ROCK1: variants seen among roughly 807,000 people sequenced by gnomAD.
ROCK1 encodes the protein Rho associated coiled-coil containing protein kinase 1.
In ROCK1, 36 loss-of-function variants were observed where a neutral mutation model predicts 196.8. The ratio of observed to expected loss-of-function variants is 0.18; its 90% CI spans 0.14 to 0.24. ROCK1 has a LOEUF of 0.24. Ranked by LOEUF, ROCK1 falls within the 10% of genes least tolerant of loss-of-function variation. The pLI, the probability that ROCK1 is intolerant of heterozygous loss-of-function variation, is 1.00. For synonymous variants in ROCK1, 443 were observed against 515.9 expected, an observed-to-expected ratio of 0.86 and a Z score of 1.91; for missense variants, 920 against 1,562.0, an observed-to-expected ratio of 0.59 and a Z score of 6.93.
chr18:20,970,094 C>T (rs953388061), intron 23 of ROCK1: 3 of 302,836 alleles, frequency 9.9e-6, no homozygotes, highest in African/African-American at 4.3e-5. Flanking sequence ...ATAAGATCTA[C>T]AGCCAGAAAA....
intron 1 of ROCK1, among the ~76,000 whole-genome samples, chr18:21,087,575 C>T (rs550230835): frequency 8.5e-5 from 13 of 152,060 alleles, no homozygotes; most frequent in African/African-American, 3.1e-4. Context: ...TGGCCAGGCA[C>T]AGAATGGAAA....
At chr18:21,026,431 C>CA (rs1316895366) in intron 10 of ROCK1, among the ~76,000 whole-genome samples, 1 of 78,460 alleles carries the variant, frequency 1.3e-5, no homozygotes, top group African/African-American at 5.2e-5. Flanking sequence ...GCAACAAGAG[C>CA]AAAACTCTGT....
At position 21,069,305 on chromosome 18, in the gene ROCK1, T is replaced by G. The variant is rs578118590; in HGVS notation, c.175+1227A>C. Among the ~76,000 whole-genome samples, 3 of 152,250 alleles carry G rather than the reference T, an allele frequency of 2.0e-5. No individual in the cohort carries two copies. The South Asian group carries it at 6.2e-4, about 32-fold the overall frequency. On this transcript the variant is annotated intron_variant, in intron 2 of 32. Coordinates refer to ENST00000399799, the MANE Select transcript of ROCK1 (RefSeq NM_005406.3). ...TAGTAATCCTGGCATAAACTATCCTTGGTCATGATTTTTACCTACTGCTAC... is the reference window on the plus strand; with the variant it reads ...TAGTAATCCTGGCATAAACTATCCTGGGTCATGATTTTTACCTACTGCTAC...
intron 12 of ROCK1, among the ~76,000 whole-genome samples, chr18:21,017,341 G>A (rs1346417599): frequency 1.1e-4 from 16 of 151,628 alleles, no homozygotes; most frequent in South Asian, 2.1e-4. Flanking sequence ...ACAGGCGCCC[G>A]CCACCGCGCC....
At chr18:21,013,756 T>C (rs1161066659) in intron 13 of ROCK1, among the ~76,000 whole-genome samples, 6 of 152,048 alleles carry the variant, frequency 3.9e-5, no homozygotes, top group Admixed American at 1.3e-4. Flanking sequence ...CACTCAGCCT[T>C]TGCTGTTAAG....
At chr18:20,988,603 G>A (rs1484418476) in intron 18 of ROCK1, among the ~76,000 whole-genome samples, 3 of 152,064 alleles carry the variant, frequency 2.0e-5, no homozygotes, top group African/African-American at 7.2e-5. Flanking sequence ...TAAGAATACT[G>A]AACTTACTAT....
intron 2 of ROCK1, among the ~76,000 whole-genome samples, chr18:21,067,380 ACT>A (rs2036344274): frequency 7.9e-6 from 1 of 126,682 alleles, no homozygotes; most frequent in African/African-American, 3.0e-5. Flanking sequence ...TTGTCTTTTC[ACT>A]CTTTTTTTTT....
intron 16 of ROCK1, among the ~76,000 whole-genome samples, chr18:21,000,266 C>CTT (rs112094549): frequency 6.9e-6 from 1 of 145,230 alleles, no homozygotes; most frequent in African/African-American, 2.5e-5. Context: ...AATTGATTTT[C>CTT]TTTTTTTTTT....
intron 1 of ROCK1, among the ~76,000 whole-genome samples, chr18:21,080,288 T>A (rs2036472258): frequency 6.6e-6 from 1 of 152,032 alleles, no homozygotes; most frequent in African/African-American, 2.4e-5. Flanking sequence ...ATGAAATAAA[T>A]GAACAGAAAC....
intron 1 of ROCK1, among the ~76,000 whole-genome samples, chr18:21,102,462 G>A (rs2036667238): frequency 6.6e-6 from 1 of 152,060 alleles, no homozygotes; most frequent in Admixed American, 6.6e-5. Flanking sequence ...TACTCACCAT[G>A]GTGTTCCATT....
intron 16 of ROCK1, among the ~76,000 whole-genome samples, chr18:20,998,145 G>T (rs1418894170): frequency 2.6e-5 from 4 of 152,050 alleles, no homozygotes; most frequent in South Asian, 4.2e-4. Flanking sequence ...CCAAAAAGCG[G>T]AATTTTTGAA....
intron 1 of ROCK1, among the ~76,000 whole-genome samples, chr18:21,085,169 C>A (rs2036515770): frequency 6.6e-6 from 1 of 151,818 alleles, no homozygotes; most frequent in African/African-American, 2.4e-5. Context: ...CAAACAGATA[C>A]TGGTGAAAAC....
At chr18:20,964,640 C>A (rs1247879248) in intron 27 of ROCK1, among the ~76,000 whole-genome samples, 1 of 152,124 alleles carries the variant, frequency 6.6e-6, no homozygotes, top group Non-Finnish European at 1.5e-5. Flanking sequence ...GAATGGCTAC[C>A]AGTACTCCCC....
chr18:20,978,043 T>C (rs140564185), intron 22 of ROCK1, among the ~76,000 whole-genome samples: 244 of 152,330 alleles, frequency 1.6e-3, no homozygotes, highest in African/African-American at 5.5e-3. Flanking sequence ...ATTGTCAATT[T>C]TGGACCTTAA....
chr18:20,958,430 G>A (rs1314127356), intron 29 of ROCK1, among the ~76,000 whole-genome samples: 4 of 151,772 alleles, frequency 2.6e-5, no homozygotes, highest in Non-Finnish European at 5.9e-5. Flanking sequence ...TAGTCGGTAA[G>A]GTCCTTAATG....
intron 2 of ROCK1, among the ~76,000 whole-genome samples, chr18:21,060,048 G>A (rs1455624523): frequency 6.6e-6 from 1 of 152,162 alleles, no homozygotes; most frequent in Non-Finnish European, 1.5e-5. Context: ...GAGAAATGGA[G>A]ACTGACTGTT....
intron 18 of ROCK1, among the ~76,000 whole-genome samples, chr18:20,987,345 C>T (rs2035586697): frequency 1.3e-5 from 2 of 152,134 alleles, no homozygotes; most frequent in South Asian, 4.1e-4. Flanking sequence ...AAACCCAGCT[C>T]TTGCCCAGTG....
chr18:21,079,332 G>A lies in ROCK1; in HGVS notation c.94-8719C>T, dbSNP rs138139843. Reference sequence around the variant, plus strand: ...ACCTCCATATTTTTCTGCTGCCTGCGGAACTGTCTGCTTTTCAGCTGTAGT... The same window carrying A: ...ACCTCCATATTTTTCTGCTGCCTGCAGAACTGTCTGCTTTTCAGCTGTAGT... On this transcript the variant is annotated intron_variant, in intron 1 of 32. Transcript: ENST00000399799. Among the ~76,000 whole-genome samples, 117 of 152,156 alleles carry A rather than the reference G, an allele frequency of 7.7e-4. No individual in the cohort carries two copies. The East Asian group carries it at 0.013, about 17-fold the overall frequency.
chr18:21,049,256 G>T, intron 3 of ROCK1, 27 bp from the exon 4 acceptor site: 1 of 1,494,864 alleles, frequency 6.7e-7, no homozygotes, highest in South Asian at 1.4e-5. Flanking sequence ...GGAAAATAAT[G>T]AACCTTTTGT....
Sources: gnomAD v4.1 joint callset for allele counts (sites outside exome capture counted in the v4.1 genomes callset) on GRCh38, gnomAD v4.1.1 for gene constraint, MANE v1.5 for transcripts, NCBI Gene and HGNC (gene_info 2026-07-23, HGNC 2026-07-21) for gene names.